TBCEL: variants seen among roughly 807,000 people sequenced by gnomAD.
TBCEL encodes the protein tubulin-specific chaperone cofactor E-like protein.
Under a neutral mutation model 44.2 loss-of-function variants are expected in TBCEL, and 15 were observed. The ratio of observed to expected loss-of-function variants is 0.34; its 90% CI spans 0.23 to 0.52. The LOEUF (loss-of-function observed/expected upper bound fraction) is 0.52. TBCEL is among the 20% of genes least tolerant of loss of function. The probability of loss-of-function intolerance (pLI) is 0.95; values close to 1 mark genes in which losing one functional copy is unlikely to be tolerated. For missense variants in TBCEL, 319 were observed against 506.3 expected, an observed-to-expected ratio of 0.63 and a Z score of 3.55; for synonymous variants, 171 against 185.4, an observed-to-expected ratio of 0.92 and a Z score of 0.63.
At chr11:121,037,838 T>C (rs1322317182) in intron 2 of TBCEL, among the ~76,000 whole-genome samples, 1 of 152,208 alleles carries the variant, frequency 6.6e-6, no homozygotes, top group Non-Finnish European at 1.5e-5. Context: ...TATGAAAAGC[T>C]TTTGATAATA....
At position 121,041,430 on chromosome 11, in the gene TBCEL, A is replaced by G. The variant is rs73011555; in HGVS notation, c.-17-4244A>G. On this transcript the variant is annotated intron_variant, in intron 2 of 8. Coordinates refer to ENST00000683345, the MANE Select transcript of TBCEL (RefSeq NM_001363644.2). The stretch of plus-strand genomic sequence containing the variant: ...TTATAGTCAGGATCTTGAGGCACAA[A>G]CGAATTGAAATTTTCACAGGGCCAC... 8.9e-3 allele frequency among the ~76,000 whole-genome samples: 1,354 copies of G among 152,274 alleles called. 14 individuals are homozygous for G. The highest frequency in any genetic ancestry group is 0.015 in the Non-Finnish European group (1,007 of 68,022).
Position 121,055,049 on chromosome 11 carries a change from C to T in TBCEL, c.456-3C>T. 1 of 1,458,048 alleles carries T rather than the reference C, an allele frequency of 6.9e-7. No individual in the cohort carries two copies. The highest frequency in any genetic ancestry group is 9.1e-7 in the Non-Finnish European group (1 of 1,100,686). The allele number at this position is 1,458,048 out of a possible 1,614,324, so 90.3% of individuals were successfully genotyped here. Reference sequence around the variant, plus strand: ...AATGAAATATTTCCTTTTTTCTCTGCAGTTTGGAGGAGCTCTTCCTGTGCC... The same window carrying T: ...AATGAAATATTTCCTTTTTTCTCTGTAGTTTGGAGGAGCTCTTCCTGTGCC... On this transcript the variant is annotated splice_region_variant and splice_polypyrimidine_tract_variant and intron_variant, in intron 5 of 8. Coordinates refer to ENST00000683345, the MANE Select transcript of TBCEL (RefSeq NM_001363644.2).
At chr11:121,028,662 G>A (rs1289415797) in intron 1 of TBCEL, among the ~76,000 whole-genome samples, 1 of 152,204 alleles carries the variant, frequency 6.6e-6, no homozygotes, top group Non-Finnish European at 1.5e-5. Flanking sequence ...GATTTTATCT[G>A]CTGTCATGAT....
At chr11:121,086,667 G>T (rs1252637727) in intron 8 of TBCEL, 111 bp from the exon 9 acceptor site, 7 of 822,780 alleles carry the variant, frequency 8.5e-6, no homozygotes, top group African/African-American at 1.7e-5. Context: ...GATAGAATAA[G>T]ATTTTTTAAA....
At chr11:121,030,310 T>A (rs1945120836) in intron 1 of TBCEL, among the ~76,000 whole-genome samples, 1 of 152,140 alleles carries the variant, frequency 6.6e-6, no homozygotes, top group Non-Finnish European at 1.5e-5. Flanking sequence ...ATTAAATGAA[T>A]CCTTGGCGAC....
chr11:121,025,323 T>G (rs975332660), intron 1 of TBCEL, among the ~76,000 whole-genome samples: 27 of 151,972 alleles, frequency 1.8e-4, no homozygotes, highest in Middle Eastern at 3.2e-3. Context: ...TATGAATAGG[T>G]GCTGAGGACT....
intron 8 of TBCEL, among the ~76,000 whole-genome samples, chr11:121,074,833 C>A (rs1205966232): frequency 6.6e-6 from 1 of 151,916 alleles, no homozygotes; most frequent in Non-Finnish European, 1.5e-5. Flanking sequence ...TATGTAGTCT[C>A]TTTTTAATTG....
Position 121,087,322 on chromosome 11 carries a change from A to T in TBCEL, c.*226A>T. ...AGCCAGCGGAATTGGCCACATTTCC[A>T]GTGTATGTGCCCTCTCTAAGGAAAG... is the stretch of plus-strand genomic sequence containing the variant. On this transcript the variant is annotated 3_prime_UTR_variant, in exon 9 of 9. Coordinates refer to ENST00000683345, the MANE Select transcript of TBCEL (RefSeq NM_001363644.2). 7.5e-6 allele frequency: 4 copies of T among 534,622 alleles called. No homozygotes were observed. Among genetic ancestry groups the T allele is most frequent in the Non-Finnish European group, 1.3e-5 (4 of 298,960 alleles). The allele number at this position is 534,622 out of a possible 1,614,324, so 33.1% of individuals were successfully genotyped here.
At chr11:121,054,987 A>G in intron 5 of TBCEL, 65 bp from the exon 6 acceptor site, 1 of 1,379,014 alleles carries the variant, frequency 7.3e-7, no homozygotes, top group Middle Eastern at 2.4e-4. Flanking sequence ...TGAATGAATG[A>G]AAATAGGTGT....
chr11:121,057,727 A>G, intron 6 of TBCEL: 1 of 407,710 alleles, frequency 2.5e-6, no homozygotes, highest in Non-Finnish European at 4.9e-6. Context: ...ACCTAGAGAT[A>G]AAGTATGCAG....
chr11:121,036,528 A>G lies in TBCEL; in HGVS notation c.-102A>G, dbSNP rs1246801939. 1.3e-5 allele frequency: 2 copies of G among 152,274 alleles called. No homozygotes were observed. Among genetic ancestry groups the G allele is most frequent in the African/African-American group, 4.8e-5 (2 of 41,476 alleles). The allele number at this position is 152,274 out of a possible 1,614,324, so 9.4% of individuals were successfully genotyped here. ...AGAATGTCTAATTTAATAGGGATAT[A>G]GACAGTTGGTTTAAACCAACATTTT... On this transcript the variant is annotated 5_prime_UTR_variant, in exon 2 of 9. It adds an upstream start codon to the 5' untranslated region. Transcript: ENST00000683345.
At position 121,039,877 on chromosome 11, in the gene TBCEL, T is replaced by C. The variant is rs1945300208; in HGVS notation, c.-18+3265T>C. ...AATATTGGCAGTAGCTTTTAGAGTGTAGTTTTTTCTGCCCTTCTCTGATGA... is the reference window on the plus strand; with the variant it reads ...AATATTGGCAGTAGCTTTTAGAGTGCAGTTTTTTCTGCCCTTCTCTGATGA... On this transcript the variant is annotated intron_variant, in intron 2 of 8. Transcript: ENST00000683345. Among the ~76,000 whole-genome samples the C allele has an allele frequency of 2.8e-5, 4 of 144,290 alleles. No homozygotes were observed. The South Asian group carries it at 9.0e-4, about 32-fold the overall frequency. The allele number at this position is 144,290 out of a possible 152,430, so 94.7% of individuals were successfully genotyped here.
Position 121,074,316 on chromosome 11 carries a change from C to T in TBCEL, c.957-12462C>T, listed in dbSNP as rs530589451. On this transcript the variant is annotated intron_variant, in intron 8 of 8. Transcript: ENST00000683345. ...TTTGGCCCCTAGGCAGCCACTGATA[C>T]TATTTTCTTGTTATAGTTTCCATCG... Among the ~76,000 whole-genome samples the T allele has an allele frequency of 8.5e-5, 13 of 152,094 alleles. No individual in the cohort carries two copies. The East Asian group carries it at 2.5e-3, about 29-fold the overall frequency.
At chr11:121,065,078 G>A (rs892240775) in intron 8 of TBCEL, among the ~76,000 whole-genome samples, 3 of 151,980 alleles carry the variant, frequency 2.0e-5, no homozygotes, top group Admixed American at 6.6e-5. Context: ...CGCCTGCCTC[G>A]GCCTCCCAAA....
At position 121,078,296 on chromosome 11, in the gene TBCEL, C is replaced by G. The variant is rs145726781; in HGVS notation, c.957-8482C>G. 4.8e-3 allele frequency among the ~76,000 whole-genome samples: 732 copies of G among 152,148 alleles called. 4 individuals carry two copies. The highest frequency in any genetic ancestry group is 8.2e-3 in the Non-Finnish European group (556 of 67,994). On this transcript the variant is annotated intron_variant, in intron 8 of 8. Coordinates refer to ENST00000683345, the MANE Select transcript of TBCEL (RefSeq NM_001363644.2). Reference sequence around the variant, plus strand: ...TTTTTGCTTCATTATTTTTTGTGTACATATCTGTTTTTAGATACATATGCA... The same window carrying G: ...TTTTTGCTTCATTATTTTTTGTGTAGATATCTGTTTTTAGATACATATGCA...
At chr11:121,075,294 A>G (rs1159319882) in intron 8 of TBCEL, among the ~76,000 whole-genome samples, 1 of 152,004 alleles carries the variant, frequency 6.6e-6, no homozygotes, top group East Asian at 1.9e-4. Context: ...TGCAGTGGGG[A>G]AAAGACAGCT....
intron 6 of TBCEL, among the ~76,000 whole-genome samples, chr11:121,058,116 T>C (rs981050346): frequency 2.0e-5 from 3 of 151,824 alleles, no homozygotes; most frequent in Non-Finnish European, 4.4e-5. Flanking sequence ...TGTTAGACAA[T>C]AACACTCTCT....
chr11:121,031,819 C>T (rs146545928), intron 1 of TBCEL, among the ~76,000 whole-genome samples: 181 of 151,928 alleles, frequency 1.2e-3, no homozygotes, highest in Non-Finnish European at 1.8e-3. Context: ...CACATGCCAC[C>T]ATGCCCGACT....
chr11:121,030,449 CAA>C (rs1421442839), intron 1 of TBCEL, among the ~76,000 whole-genome samples: 1 of 152,094 alleles, frequency 6.6e-6, no homozygotes, highest in Non-Finnish European at 1.5e-5. Context: ...GTATAAGAGT[CAA>C]GAGGGACCAG....
Sources: gnomAD v4.1 joint callset for allele counts (sites outside exome capture counted in the v4.1 genomes callset) on GRCh38, gnomAD v4.1.1 for gene constraint, MANE v1.5 for transcripts, NCBI Gene and HGNC (gene_info 2026-07-23, HGNC 2026-07-21) for gene names.